CSRP1: variants seen among roughly 807,000 people sequenced by gnomAD.
The protein encoded by CSRP1 is cysteine and glycine rich protein 1, also known as cysteine and glycine-rich protein 1.
CSRP1 carries 16 observed loss-of-function variants against 25.4 expected under a neutral mutation model. The ratio of observed to expected loss-of-function variants is 0.63; its 90% CI spans 0.43 to 0.96. The LOEUF is 0.96. Among genes scored for constraint, CSRP1 ranks in the 40% least tolerant of loss-of-function variants. CSRP1 has a pLI of 0.00. For missense variants in CSRP1, 212 were observed against 243.6 expected (o/e 0.87, Z 0.86); for synonymous variants, 97 against 95.3 (o/e 1.02, Z -0.10).
intron 2 of CSRP1, chr1:201,495,598 G>C (rs1664485340): frequency 6.6e-6 from 1 of 152,212 alleles, no homozygotes; most frequent in Non-Finnish European, 1.5e-5. Flanking sequence ...GTATTCTTTT[G>C]TCTGATTTCT....
chr1:201,487,626 T>C (rs1325169429), intron 4 of CSRP1: 1 of 152,186 alleles, frequency 6.6e-6, no homozygotes, highest in African/African-American at 2.4e-5. Context: ...ATCACCGTGC[T>C]AGGATCCCCT....
rs1285109005 is a variant in CSRP1, at chr1:201,483,958, G to A, written c.*755C>T. 1.0e-5 allele frequency: 7 copies of A among 682,274 alleles called. No individual in the cohort carries two copies. Among genetic ancestry groups the A allele is most frequent in the Non-Finnish European group, 1.4e-5 (5 of 368,484 alleles). 42.3% of individuals were successfully genotyped at this position (682,274 alleles called of 1,614,324 possible). Reference sequence around the variant, plus strand: ...GAGATAAATGAAGATTTGAGCCATTGATAAATGCCAATATATGTTTCAGGT... The same window carrying A: ...GAGATAAATGAAGATTTGAGCCATTAATAAATGCCAATATATGTTTCAGGT... On this transcript the variant is annotated 3_prime_UTR_variant, in exon 6 of 6. Coordinates refer to ENST00000340006, the MANE Select transcript of CSRP1 (RefSeq NM_004078.3).
intron 1 of CSRP1, among the ~76,000 whole-genome samples, chr1:201,503,512 G>C (rs1018053229): frequency 6.6e-6 from 1 of 152,166 alleles, no homozygotes; most frequent in Admixed American, 6.5e-5. Context: ...CTGGGGCTGA[G>C]CTCCAGCTGC....
chr1:201,493,875 T>C (rs1298663450), intron 2 of CSRP1, among the ~76,000 whole-genome samples: 1 of 152,176 alleles, frequency 6.6e-6, no homozygotes, highest in Non-Finnish European at 1.5e-5. Flanking sequence ...GTGCCTTCCA[T>C]TCATAAACAA....
chr1:201,484,354 G>A lies in CSRP1; in HGVS notation c.*359C>T. The A allele has an allele frequency of 2.0e-6, 1 of 500,686 alleles. No homozygotes were observed. The highest frequency in any genetic ancestry group is 3.6e-6 in the Non-Finnish European group (1 of 278,782). 31.0% of individuals were successfully genotyped at this position (500,686 alleles called of 1,614,324 possible). A position where few individuals can be genotyped will look rare whatever the true frequency, so the allele number is the denominator to read the frequency against. On this transcript the variant is annotated 3_prime_UTR_variant, in exon 6 of 6. Coordinates refer to ENST00000340006, the MANE Select transcript of CSRP1 (RefSeq NM_004078.3). ...CCAGCCTGTTGCTGCTGCTCCTCTG[G>A]GTGCCAAGATGTGTCCTCAGGTGTC... is the stretch of plus-strand genomic sequence containing the variant.
intron 1 of CSRP1, chr1:201,506,813 G>C (rs899096579): frequency 1.3e-5 from 2 of 152,388 alleles, no homozygotes; most frequent in African/African-American, 4.8e-5. Flanking sequence ...GCGGTTGCGG[G>C]GAGCCGGGTC....
chr1:201,496,803 G>A (rs1309742546), intron 1 of CSRP1, among the ~76,000 whole-genome samples: 1 of 152,190 alleles, frequency 6.6e-6, no homozygotes, highest in Non-Finnish European at 1.5e-5. Flanking sequence ...AGAAAAGCAA[G>A]GGAATGATGA....
chr1:201,485,470 G>A, intron 4 of CSRP1, 94 bp from the exon 5 acceptor site: 1 of 1,096,860 alleles, frequency 9.1e-7, no homozygotes, highest in Non-Finnish European at 1.4e-6. Context: ...ATGGTATAAG[G>A]GCTCAAGCCA....
intron 2 of CSRP1, among the ~76,000 whole-genome samples, chr1:201,493,083 A>G (rs1178469650): frequency 1.3e-5 from 2 of 152,212 alleles, no homozygotes; most frequent in Admixed American, 1.3e-4. Flanking sequence ...AGATGGGCAC[A>G]TAACCTCAGG....
At chr1:201,488,237 G>C (rs1664209017) in intron 4 of CSRP1, 1 of 152,202 alleles carries the variant, frequency 6.6e-6, no homozygotes, top group African/African-American at 2.4e-5. Flanking sequence ...CTGTTGATTT[G>C]CTACAGTGAT....
In CSRP1 at chr1:201,496,265, A is replaced by G; in HGVS notation, c.39T>C (p.Cys13=). 1.2e-6 allele frequency: 2 copies of G among 1,614,198 alleles called. No individual in the cohort carries two copies. Among genetic ancestry groups the G allele is most frequent in the South Asian group, 1.1e-5 (1 of 91,090 alleles). The stretch of plus-strand genomic sequence containing the variant: ...CTTCGGCAAAGTAAACCGTCTTCTG[A>G]CACACCCCACATTTCTTGCCTCCTC... ...NWGGGKKCGV[C]QKTVYFAEEV... is the part of the protein sequence containing the mutation. Residue 13 remains cysteine (C), a synonymous_variant, in exon 2 of 6, where the codon TGT becomes TGC. Coordinates refer to ENST00000340006, the MANE Select transcript of CSRP1 (RefSeq NM_004078.3).
At position 201,484,575 on chromosome 1, in the gene CSRP1, C is replaced by A; in HGVS notation, c.*138G>T. 1.2e-6 allele frequency: 1 copy of A among 833,024 alleles called. No individual in the cohort carries two copies. The highest frequency in any genetic ancestry group is 1.9e-6 in the Non-Finnish European group (1 of 527,916). The allele number at this position is 833,024 out of a possible 1,614,324, so 51.6% of individuals were successfully genotyped here. The stretch of plus-strand genomic sequence containing the variant: ...GGCAGACCCCCAAACCAAAGGGAGC[C>A]AGATGCCCAAGTTCAAGTCATTAGT... On this transcript the variant is annotated 3_prime_UTR_variant, in exon 6 of 6. Transcript: ENST00000340006.
intron 2 of CSRP1, among the ~76,000 whole-genome samples, chr1:201,493,576 C>T (rs1664410031): frequency 6.6e-6 from 1 of 152,228 alleles, no homozygotes; most frequent in Non-Finnish European, 1.5e-5. Flanking sequence ...AACCTCTTTC[C>T]TTTATAAATT....
chr1:201,487,177 C>T (rs959022323), intron 4 of CSRP1: 8 of 343,124 alleles, frequency 2.3e-5, no homozygotes, highest in East Asian at 1.0e-4. Flanking sequence ...TTTTGGAGGC[C>T]GAGGTGGGTG....
intron 2 of CSRP1, among the ~76,000 whole-genome samples, chr1:201,494,684 G>C (rs1372304171): frequency 6.6e-6 from 1 of 152,162 alleles, no homozygotes; most frequent in Non-Finnish European, 1.5e-5. Flanking sequence ...TCCTACTCTG[G>C]AGCACAAATC....
chr1:201,486,409 C>T (rs1288428349), intron 4 of CSRP1: 1 of 985,476 alleles, frequency 1.0e-6, no homozygotes, highest in Admixed American at 6.1e-5. Flanking sequence ...CTTTTAAGGG[C>T]AAAGACACTC....
At chr1:201,488,734 G>A (rs1664229099) in intron 4 of CSRP1, 121 bp downstream of exon 4, 2 of 1,190,622 alleles carry the variant, frequency 1.7e-6, no homozygotes, top group Admixed American at 4.2e-5. Context: ...AAAGAGAAGA[G>A]GTTAAACCCC....
intron 4 of CSRP1, 84 bp from the exon 5 acceptor site, chr1:201,485,460 A>G (rs556433538): frequency 2.4e-6 from 3 of 1,237,606 alleles, no homozygotes; most frequent in South Asian, 1.2e-5. Flanking sequence ...TGACATAACC[A>G]TGGTATAAGG....
At position 201,484,760 on chromosome 1, in the gene CSRP1, C is replaced by T. The variant is rs765781755; in HGVS notation, c.535G>A (p.Gly179Ser). 33 of 1,612,164 alleles carry T rather than the reference C, an allele frequency of 2.0e-5. No homozygotes were observed. Among genetic ancestry groups the T allele is most frequent in the South Asian group, 4.4e-5 (4 of 90,240 alleles). Reference sequence around the variant, plus strand: ...CCAGCTCCTTGCCCAAAACCAAAGCCCTTGGGCCCGAAGTTTTTAGCATAA... The same window carrying T: ...CCAGCTCCTTGCCCAAAACCAAAGCTCTTGGGCCCGAAGTTTTTAGCATAA... ...GCYAKNFGPKGFGFGQGAGAL... is the reference protein window; with the variant it reads ...GCYAKNFGPKSFGFGQGAGAL... The change falls in exon 6 of 6, where the codon GGC (glycine) becomes AGC (serine). Residue 179 changes from glycine (G) to serine (S), a missense_variant. Gly to Ser is a moderately conservative substitution (Grantham distance 56). Transcript: ENST00000340006.
Sources: gnomAD v4.1 joint callset for allele counts (sites outside exome capture counted in the v4.1 genomes callset) on GRCh38, gnomAD v4.1.1 for gene constraint, MANE v1.5 for transcripts, NCBI Gene and HGNC (gene_info 2026-07-23, HGNC 2026-07-21) for gene names.